Variants in LRRC4C observed in about 807,000 individuals in gnomAD.
LRRC4C encodes the protein leucine rich repeat containing 4C.
In LRRC4C, 5 loss-of-function variants were observed where a neutral mutation model predicts 33.6. That is an observed-to-expected ratio of 0.15 (90% CI 0.08 to 0.31). The LOEUF (loss-of-function observed/expected upper bound fraction) is 0.31, where lower values mean the gene tolerates loss of function less well. LRRC4C is among the 10% of genes least tolerant of loss of function. LRRC4C has a pLI of 1.00. For synonymous variants in LRRC4C, 329 were observed against 302.0 expected (o/e 1.09, Z -0.93); for missense variants, 560 against 796.7 (o/e 0.70, Z 3.58).
intron 1 of LRRC4C, among the ~76,000 whole-genome samples, chr11:40,976,406 G>T (rs1355020503): frequency 1.3e-5 from 2 of 152,158 alleles, no homozygotes; most frequent in African/African-American, 4.8e-5. Context: ...TGGCTTGAGG[G>T]CATTTTCAGT....
At chr11:40,627,054 T>A (rs1159904153) in intron 3 of LRRC4C, among the ~76,000 whole-genome samples, 2 of 150,540 alleles carry the variant, frequency 1.3e-5, no homozygotes, top group African/African-American at 4.9e-5. Flanking sequence ...TTTCCTTTTT[T>A]AAAAGCTGTC....
chr11:40,819,558 C>T (rs1159885256), intron 2 of LRRC4C, among the ~76,000 whole-genome samples: 1 of 152,082 alleles, frequency 6.6e-6, no homozygotes, highest in Non-Finnish European at 1.5e-5. Context: ...CTTCACATTG[C>T]ATGGTTGGGG....
Position 41,324,442 on chromosome 11 carries a change from TAAATA to T in LRRC4C, c.-496+134984_-496+134988del, listed in dbSNP as rs1297327762. The stretch of plus-strand genomic sequence containing the variant: ...TGAAACTCCCTCTCAAAAAAATAAA[TAAATA>T]AAAGTACTATTTTAGGAGGAAGAGG... On this transcript the variant is annotated intron_variant, in intron 1 of 6. Coordinates refer to ENST00000528697, the MANE Select transcript of LRRC4C (RefSeq NM_001258419.2). 2.6e-5 allele frequency among the ~76,000 whole-genome samples: 4 copies of T among 152,128 alleles called. No individual in the cohort carries two copies. In the East Asian group the frequency reaches 7.7e-4, roughly 29 times the overall value.
intron 1 of LRRC4C, among the ~76,000 whole-genome samples, chr11:40,953,861 T>C (rs528837470): frequency 3.9e-5 from 6 of 152,034 alleles, no homozygotes; most frequent in African/African-American, 7.2e-5. Flanking sequence ...CACTTTCTTA[T>C]ATTTTTATCT....
intron 5 of LRRC4C, among the ~76,000 whole-genome samples, chr11:40,157,670 T>C (rs2953317): frequency 0.48 from 73,275 of 151,976 alleles, 17,840 homozygotes; most frequent in South Asian, 0.58. Flanking sequence ...CTCAACATCA[T>C]TAATGATCAG....
chr11:40,142,832 GTATA>G (rs1857465114), intron 5 of LRRC4C, among the ~76,000 whole-genome samples: 5 of 152,126 alleles, frequency 3.3e-5, no homozygotes. Flanking sequence ...TTGCAGACTT[GTATA>G]TACTACTGCT....
chr11:40,376,512 A>AT (rs1948666304), intron 3 of LRRC4C, among the ~76,000 whole-genome samples: 1 of 152,126 alleles, frequency 6.6e-6, no homozygotes, highest in Non-Finnish European at 1.5e-5. Context: ...GTTTTGCCAT[A>AT]TTTTTTATAT....
intron 1 of LRRC4C, among the ~76,000 whole-genome samples, chr11:41,160,042 T>G (rs1944399661): frequency 6.6e-6 from 1 of 151,908 alleles, no homozygotes; most frequent in Non-Finnish European, 1.5e-5. Flanking sequence ...CACACATGAA[T>G]GGAAATTAAA....
At chr11:41,100,123 A>G (rs896164753) in intron 1 of LRRC4C, among the ~76,000 whole-genome samples, 4 of 152,300 alleles carry the variant, frequency 2.6e-5, no homozygotes, top group Admixed American at 1.3e-4. Context: ...ACAAAACAAA[A>G]CAAAACAAAA....
chr11:40,893,896 T>A (rs1955826553), intron 2 of LRRC4C, among the ~76,000 whole-genome samples: 2 of 152,060 alleles, frequency 1.3e-5, no homozygotes, highest in African/African-American at 4.8e-5. Flanking sequence ...CTTGTATATC[T>A]AAGTTTTGAA....
intron 2 of LRRC4C, among the ~76,000 whole-genome samples, chr11:40,698,741 T>C (rs1945707519): frequency 6.6e-6 from 1 of 152,124 alleles, no homozygotes; most frequent in South Asian, 2.1e-4. Context: ...TCCACGTGGC[T>C]GGGGAGGCCT....
intron 2 of LRRC4C, among the ~76,000 whole-genome samples, chr11:40,668,042 CAT>C (rs1943908431): frequency 6.6e-6 from 1 of 152,118 alleles, no homozygotes; most frequent in Admixed American, 6.5e-5. Context: ...TTTGAAAAAA[CAT>C]AGGTCAGGCC....
chr11:40,595,257 A>C (rs1165717872), intron 3 of LRRC4C, among the ~76,000 whole-genome samples: 1 of 152,050 alleles, frequency 6.6e-6, no homozygotes, highest in Non-Finnish European at 1.5e-5. Context: ...TGCAAAAAAA[A>C]ATCATGATAA....
intron 3 of LRRC4C, among the ~76,000 whole-genome samples, chr11:40,500,298 ACACACACACAC>A (rs1954693107): frequency 2.8e-5 from 1 of 35,924 alleles, no homozygotes; most frequent in African/African-American, 1.6e-4. Flanking sequence ...ATATATACAC[ACACACACACAC>A]ACACACACAC....
intron 3 of LRRC4C, among the ~76,000 whole-genome samples, chr11:40,452,980 A>G (rs1951958121): frequency 6.9e-6 from 1 of 144,690 alleles, no homozygotes; most frequent in Non-Finnish European, 1.5e-5. Context: ...GAATCGAACA[A>G]TGAGAACACA....
In LRRC4C at chr11:41,151,492, C is replaced by T. The variant is rs117391135; in HGVS notation, c.-495-217769G>A. Among the ~76,000 whole-genome samples the T allele has an allele frequency of 8.4e-3, 1,274 of 152,220 alleles. 17 individuals carry two copies. The highest frequency in any genetic ancestry group is 0.044 in the Middle Eastern group (13 of 294). On this transcript the variant is annotated intron_variant, in intron 1 of 6. Coordinates refer to ENST00000528697, the MANE Select transcript of LRRC4C (RefSeq NM_001258419.2). ...TTAGTGAGTACTCAGCACTAGAGTT[C>T]GTGTGCTGCAGTGTGGACATGTTTT...
chr11:40,316,012 G>A (rs2136801069), intron 4 of LRRC4C, among the ~76,000 whole-genome samples: 1 of 152,000 alleles, frequency 6.6e-6, no homozygotes, highest in African/African-American at 2.4e-5. Context: ...TGTTCTATTA[G>A]CAAGATCTCT....
chr11:40,951,400 T>A (rs1264903834), intron 1 of LRRC4C, among the ~76,000 whole-genome samples: 1 of 150,360 alleles, frequency 6.7e-6, no homozygotes, highest in African/African-American at 2.4e-5. Flanking sequence ...TCTGGCAAGT[T>A]GGGGGAAATA....
At chr11:41,308,417 T>C (rs1435415141) in intron 1 of LRRC4C, among the ~76,000 whole-genome samples, 1 of 152,114 alleles carries the variant, frequency 6.6e-6, no homozygotes, top group African/African-American at 2.4e-5. Context: ...GACATTACCA[T>C]GTAACAGGAG....
Sources: allele counts gnomAD v4.1 joint callset (sites outside exome capture counted in the v4.1 genomes callset), GRCh38; gene constraint gnomAD v4.1.1; transcripts MANE v1.5; gene names NCBI Gene and HGNC (gene_info 2026-07-23, HGNC 2026-07-21).